SORCS1: variants seen among roughly 807,000 people sequenced by gnomAD.
SORCS1 encodes VPS10 domain-containing receptor SorCS1.
Under a neutral mutation model 146.1 loss-of-function variants are expected in SORCS1, and 60 were observed. That is an observed-to-expected ratio of 0.41 (90% CI 0.33 to 0.51). SORCS1 has a LOEUF of 0.51. Among genes scored for constraint, SORCS1 ranks in the 20% least tolerant of loss-of-function variants. The pLI is 0.21. For synonymous variants in SORCS1, 637 were observed against 584.0 expected (o/e 1.09, Z -1.31); for missense variants, 1,352 against 1,487.6 (o/e 0.91, Z 1.50).
intron 2 of SORCS1, among the ~76,000 whole-genome samples, chr10:106,912,438 C>T (rs919999614): frequency 6.6e-6 from 1 of 152,084 alleles, no homozygotes; most frequent in Non-Finnish European, 1.5e-5. Flanking sequence ...TTCTCACTCC[C>T]AACCTAAAGC....
At chr10:107,124,169 T>C (rs547402782) in intron 1 of SORCS1, among the ~76,000 whole-genome samples, 43 of 152,242 alleles carry the variant, frequency 2.8e-4, no homozygotes, top group African/African-American at 9.9e-4. Flanking sequence ...ATGAAAACTT[T>C]TTGTACCACG....
chr10:107,149,979 C>T (rs1321623850), intron 1 of SORCS1, among the ~76,000 whole-genome samples: 3 of 152,186 alleles, frequency 2.0e-5, no homozygotes, highest in Non-Finnish European at 4.4e-5. Flanking sequence ...ATGTCACTTC[C>T]CTTTAAAACC....
intron 9 of SORCS1, among the ~76,000 whole-genome samples, chr10:106,695,365 C>T (rs1036907641): frequency 2.0e-5 from 3 of 152,148 alleles, no homozygotes; most frequent in Admixed American, 1.3e-4. Context: ...AAGTCTAACC[C>T]TATTTACCCT....
intron 18 of SORCS1, among the ~76,000 whole-genome samples, chr10:106,635,428 C>T (rs536115223): frequency 3.3e-5 from 5 of 152,098 alleles, no homozygotes; most frequent in African/African-American, 1.2e-4. Context: ...ACAAATAACA[C>T]AGTAAATATA....
intron 1 of SORCS1, among the ~76,000 whole-genome samples, chr10:107,083,110 C>CAAA (rs538577059): frequency 3.6e-3 from 214 of 60,214 alleles, no homozygotes; most frequent in Non-Finnish European, 3.9e-3. Flanking sequence ...CTCCAACTCA[C>CAAA]AAAAAAAAAA....
intron 6 of SORCS1, 136 bp from the exon 7 acceptor site, chr10:106,709,477 C>G: frequency 2.3e-6 from 1 of 428,734 alleles, no homozygotes; most frequent in Non-Finnish European, 4.0e-6. Context: ...GAGATGGAGT[C>G]TCGCTCTGTC....
chr10:106,618,682 A>C (rs534355964), intron 20 of SORCS1, among the ~76,000 whole-genome samples: 23 of 152,270 alleles, frequency 1.5e-4, no homozygotes, highest in East Asian at 3.9e-4. Context: ...GAAAATCTAT[A>C]AGCTGCCATG....
chr10:106,814,797 C>T (rs1298881040), intron 3 of SORCS1, among the ~76,000 whole-genome samples: 2 of 151,300 alleles, frequency 1.3e-5, no homozygotes, highest in Middle Eastern at 3.2e-3. Flanking sequence ...CGCCTGTAGT[C>T]CCAGCTACTT....
At chr10:107,136,170 T>C (rs528935192) in intron 1 of SORCS1, among the ~76,000 whole-genome samples, 9 of 152,092 alleles carry the variant, frequency 5.9e-5, no homozygotes, top group African/African-American at 1.9e-4. Context: ...TAACTTAAAA[T>C]CAAGGAGGCA....
chr10:107,123,077 C>CAA (rs35115429), intron 1 of SORCS1, among the ~76,000 whole-genome samples: 223 of 79,072 alleles, frequency 2.8e-3, no homozygotes, highest in African/African-American at 5.6e-3. Context: ...GACAAACTGG[C>CAA]AAAAAAAAAA....
intron 2 of SORCS1, among the ~76,000 whole-genome samples, chr10:106,927,390 C>G (rs1953108033): frequency 6.6e-6 from 1 of 151,946 alleles, no homozygotes; most frequent in Non-Finnish European, 1.5e-5. Context: ...TTCGTGGTCT[C>G]GTTGGCTTCA....
At chr10:106,738,316 T>A (rs537187847) in intron 5 of SORCS1, among the ~76,000 whole-genome samples, 46 of 152,268 alleles carry the variant, frequency 3.0e-4, no homozygotes, top group African/African-American at 1.1e-3. Flanking sequence ...ATCTGGAAAA[T>A]AAAATCTAAG....
chr10:106,606,563 G>A (rs991365074), intron 23 of SORCS1, among the ~76,000 whole-genome samples: 4 of 152,014 alleles, frequency 2.6e-5, no homozygotes, highest in African/African-American at 7.3e-5. Context: ...TTGATATCAC[G>A]GACAATTTTT....
chr10:106,921,421 C>A (rs900386424), intron 2 of SORCS1, among the ~76,000 whole-genome samples: 1 of 152,190 alleles, frequency 6.6e-6, no homozygotes, highest in African/African-American at 2.4e-5. Flanking sequence ...GACTTCAGAG[C>A]ATAATTTCAT....
chr10:106,822,031 G>A (rs1205176288), intron 3 of SORCS1, among the ~76,000 whole-genome samples: 5 of 152,104 alleles, frequency 3.3e-5, no homozygotes, highest in Non-Finnish European at 7.4e-5. Flanking sequence ...AAGATAGGAG[G>A]AAGGAAAAAG....
At chr10:106,993,802 C>T (rs1404096471) in intron 1 of SORCS1, among the ~76,000 whole-genome samples, 7 of 151,760 alleles carry the variant, frequency 4.6e-5, no homozygotes, top group South Asian at 2.1e-4. Context: ...GGCCAGGTGC[C>T]GTAGTTCATG....
intron 5 of SORCS1, among the ~76,000 whole-genome samples, chr10:106,733,395 C>T (rs35967113): frequency 0.43 from 65,794 of 151,940 alleles, 14,311 homozygotes; most frequent in African/African-American, 0.46. Context: ...ATTATTGCTG[C>T]TTTTACTTTA....
In SORCS1 at chr10:106,579,226, C is replaced by T. The variant is rs191542226; in HGVS notation, c.3371+143G>A. 35 of 1,614,078 alleles carry T rather than the reference C, an allele frequency of 2.2e-5. 1 individual carries two copies. The African/African-American group carries it at 3.9e-4, about 18-fold the overall frequency. On this transcript the variant is annotated intron_variant, in intron 25 of 25. Transcript: ENST00000263054. ...TGTTCTTTCTCATTCTGCATCTGGGCATAAACATTAATCCCCGGGATCTTC... is the reference window on the plus strand; with the variant it reads ...TGTTCTTTCTCATTCTGCATCTGGGTATAAACATTAATCCCCGGGATCTTC...
chr10:107,169,891 C>A, the SORCS1 span, among the ~76,000 whole-genome samples: 7 of 152,086 alleles, frequency 4.6e-5, no homozygotes, highest in Admixed American at 4.6e-4. Flanking sequence ...CTTATACAAT[C>A]ATTTCAGGTT....
Sources: allele counts gnomAD v4.1 joint callset (sites outside exome capture counted in the v4.1 genomes callset), GRCh38; gene constraint gnomAD v4.1.1; transcripts MANE v1.5; gene names NCBI Gene and HGNC (gene_info 2026-07-23, HGNC 2026-07-21).